RAG1: variants seen among roughly 807,000 people sequenced by gnomAD.
RAG1 encodes recombination activating 1, also known as V(D)J recombination-activating protein 1.
A neutral mutation model predicts 62.7 loss-of-function variants in RAG1; 35 were observed. The ratio of observed to expected loss-of-function variants is 0.56; its 90% CI spans 0.43 to 0.74. The LOEUF (loss-of-function observed/expected upper bound fraction) is 0.74, where lower values mean the gene tolerates loss of function less well. Among genes scored for constraint, RAG1 ranks in the 30% least tolerant of loss-of-function variants. The pLI, the probability that RAG1 is intolerant of heterozygous loss-of-function variation, is 0.00. For missense variants in RAG1, 1,169 were observed against 1,278.6 expected (o/e 0.91, Z 1.31); for synonymous variants, 461 against 470.3 (o/e 0.98, Z 0.26).
chr11:36,522,851 A>G (rs192887311), intron 2 of RAG1, among the ~76,000 whole-genome samples: 181 of 152,306 alleles, frequency 1.2e-3, no homozygotes, highest in Non-Finnish European at 1.8e-3. Context: ...TTGGAGCTTT[A>G]AGATTTAACT....
In RAG1 at chr11:36,575,663, T is replaced by C; in HGVS notation, c.2359T>C (p.Phe787Leu). 1 of 1,614,142 alleles carries C rather than the reference T, an allele frequency of 6.2e-7. No individual in the cohort carries two copies. Among genetic ancestry groups the C allele is most frequent in the Non-Finnish European group, 8.5e-7 (1 of 1,180,020 alleles). Residue 787 changes from phenylalanine (F) to leucine (L), a missense_variant, in exon 2 of 2, where the codon TTC becomes CTC. Physicochemically the swap from Phe to Leu is conservative, Grantham distance 22. Coordinates refer to ENST00000299440, the MANE Select transcript of RAG1 (RefSeq NM_000448.3). This position sits in a 1 kb window ranked among gnomAD's most constrained non-coding sequence, Gnocchi z 4.1. Reference sequence around the variant, plus strand: ...GGTGAAAGGGGTCTCAGCTAAACCTTTCATTGAGACAGTCCCTTCCATAGA... The same window carrying C: ...GGTGAAAGGGGTCTCAGCTAAACCTCTCATTGAGACAGTCCCTTCCATAGA... Reference protein sequence around the residue: ...DRVKGVSAKPFIETVPSIDAL... With the variant: ...DRVKGVSAKPLIETVPSIDAL...
At chr11:36,557,357 G>A (rs1367310644) in intron 3 of RAG1, among the ~76,000 whole-genome samples, 1 of 118,692 alleles carries the variant, frequency 8.4e-6, no homozygotes, top group Non-Finnish European at 1.7e-5. Context: ...ATATTCGGGT[G>A]GGAGTGACCC....
At chr11:36,544,687 G>C (rs1850368557) in intron 3 of RAG1, among the ~76,000 whole-genome samples, 1 of 152,068 alleles carries the variant, frequency 6.6e-6, no homozygotes, top group Non-Finnish European at 1.5e-5. Context: ...TGGTTGATGT[G>C]GTCTGGCTAC....
intron 3 of RAG1, among the ~76,000 whole-genome samples, chr11:36,557,987 A>G (rs1305636318): frequency 6.6e-6 from 1 of 152,130 alleles, no homozygotes; most frequent in African/African-American, 2.4e-5. Flanking sequence ...CCCATGTAAC[A>G]CTTAATGTTT....
chr11:36,547,718 C>T (rs1156465726), intron 3 of RAG1, among the ~76,000 whole-genome samples: 1 of 152,156 alleles, frequency 6.6e-6, no homozygotes, highest in East Asian at 1.9e-4. Flanking sequence ...TGGTGTCATT[C>T]CTTCTGAAAC....
chr11:36,573,454 G>T lies in RAG1; in HGVS notation c.150G>T (p.Lys50Asn). Residue 50 changes from lysine (K) to asparagine (N), a missense_variant, in exon 2 of 2, where the codon AAG becomes AAT. Physicochemically the swap from Lys to Asn is moderately conservative, Grantham distance 94. Around this residue, in one of 2 missense-constraint regions of RAG1, gnomAD observed 369 missense variants for 335.3 expected, o/e 1.10. Transcript: ENST00000299440. ...CTGAAGAAGCTCAAAAGGAAAAGAA[G>T]GATTCCTTTGAGGGGAAACCCTCTC... ...KTPEEAQKEK[K>N]DSFEGKPSLE... The T allele has an allele frequency of 6.2e-7, 1 of 1,614,170 alleles. No individual in the cohort carries two copies. The highest frequency in any genetic ancestry group is 2.2e-5 in the East Asian group (1 of 44,876).
Position 36,574,791 on chromosome 11 carries a change from G to A in RAG1, c.1487G>A (p.Gly496Glu). The part of the protein sequence containing the change: ...KMYRTVKAIT[G>E]RQIFQPLHAL... The stretch of plus-strand genomic sequence containing the variant: ...TACAGGACTGTGAAAGCCATCACAG[G>A]GAGACAGATTTTTCAGCCTTTGCAT... Residue 496 changes from glycine (G) to glutamate (E), a missense_variant, in exon 2 of 2, where the codon GGG becomes GAG. Gly to Glu is a moderately conservative substitution (Grantham distance 98, BLOSUM62 -2). This residue lies in a region of RAG1 where 800 missense variants were observed against 943.3 expected (regional missense o/e 0.85). Transcript: ENST00000299440. 6.2e-7 allele frequency: 1 copy of A among 1,614,216 alleles called. No homozygotes were observed. Among genetic ancestry groups the A allele is most frequent in the Non-Finnish European group, 8.5e-7 (1 of 1,180,042 alleles).
At chr11:36,563,023 T>C (rs955618424), upstream of RAG1, among the ~76,000 whole-genome samples, 1 of 152,192 alleles carries the variant, frequency 6.6e-6, no homozygotes, top group Non-Finnish European at 1.5e-5. Flanking sequence ...CTGGTGTCTC[T>C]GTGTGTATGT....
chr11:36,541,892 C>A (rs761986883), intron 3 of RAG1, among the ~76,000 whole-genome samples: 1 of 151,928 alleles, frequency 6.6e-6, no homozygotes, highest in Non-Finnish European at 1.5e-5. Flanking sequence ...TAAAAAAAAA[C>A]CACCTACCGC....
intron 3 of RAG1, among the ~76,000 whole-genome samples, chr11:36,541,485 G>C (rs1860416958): frequency 6.6e-6 from 1 of 152,164 alleles, no homozygotes; most frequent in Admixed American, 6.6e-5. Context: ...GATGGAGAAA[G>C]TATCTGTTTA....
At chr11:36,517,520 TGTAA>T (rs376524124) in intron 1 of RAG1, among the ~76,000 whole-genome samples, 2 of 152,186 alleles carry the variant, frequency 1.3e-5, no homozygotes, top group African/African-American at 4.8e-5. Context: ...GGAAGGTTTG[TGTAA>T]GTGTGTGTGT....
chr11:36,551,630 A>C (rs1385334452), intron 3 of RAG1, among the ~76,000 whole-genome samples: 1 of 137,254 alleles, frequency 7.3e-6, no homozygotes, highest in Admixed American at 7.4e-5. Context: ...ATTATACTCT[A>C]AGTTTTAGGG....
In RAG1 at chr11:36,573,774, A is replaced by G. The variant is rs1258478128; in HGVS notation, c.470A>G (p.Lys157Arg). The G allele has an allele frequency of 1.1e-5, 18 of 1,614,000 alleles. No homozygotes were observed. The Admixed American group carries it at 2.8e-4, about 25-fold the overall frequency. The change falls in exon 2 of 2, where the codon AAG becomes AGG. Residue 157 changes from lysine (K) to arginine (R), a missense_variant. Coordinates refer to ENST00000299440, the MANE Select transcript of RAG1 (RefSeq NM_000448.3). ...ACTTCCTGGCCGGACCTCATTGCCA[A>G]GGTTTTCCGGATCGATGTGAAGGCA... is the stretch of plus-strand genomic sequence containing the variant. ...RATSWPDLIA[K>R]VFRIDVKADV...
intron 3 of RAG1, among the ~76,000 whole-genome samples, chr11:36,559,108 G>C (rs1393121844): frequency 6.6e-6 from 1 of 151,964 alleles, no homozygotes; most frequent in Non-Finnish European, 1.5e-5. Flanking sequence ...AGTTTTGTTG[G>C]GTGTAGTATT....
chr11:36,542,150 A>G (rs1227875633), intron 3 of RAG1, among the ~76,000 whole-genome samples: 1 of 152,090 alleles, frequency 6.6e-6, no homozygotes, highest in Non-Finnish European at 1.5e-5. Context: ...CACATTCACT[A>G]TCTTCCCTCT....
intron 3 of RAG1, among the ~76,000 whole-genome samples, chr11:36,546,136 T>C (rs1461236575): frequency 1.3e-5 from 2 of 152,306 alleles, no homozygotes; most frequent in African/African-American, 4.8e-5. Flanking sequence ...GGAATATCCT[T>C]GTTAATTTTC....
At chr11:36,519,917 C>G (rs1860052008) in intron 1 of RAG1, among the ~76,000 whole-genome samples, 1 of 152,180 alleles carries the variant, frequency 6.6e-6, no homozygotes, top group South Asian at 2.1e-4. Context: ...AAATGTCCTC[C>G]TTAACATTTT....
In RAG1 at chr11:36,574,437, G is replaced by A. The variant is rs1017953850; in HGVS notation, c.1133G>A (p.Ser378Asn). 6.2e-7 allele frequency: 1 copy of A among 1,614,214 alleles called. No homozygotes were observed. The highest frequency in any genetic ancestry group is 1.3e-5 in the African/African-American group (1 of 75,056). ...GAAAAATATAATCACCACATCTCAAGTCACAAGGAATCAAAAGAGATTTTT... is the reference window on the plus strand; with the variant it reads ...GAAAAATATAATCACCACATCTCAAATCACAAGGAATCAAAAGAGATTTTT... ...SLEKYNHHIS[S>N]HKESKEIFVH... The change falls in exon 2 of 2, where the codon AGT becomes AAT. Residue 378 changes from serine to asparagine, a missense_variant. Ser to Asn is a conservative substitution (Grantham distance 46). Coordinates refer to ENST00000299440, the MANE Select transcript of RAG1 (RefSeq NM_000448.3).
In RAG1 at chr11:36,575,993, C is replaced by T. The variant is rs757797994; in HGVS notation, c.2689C>T (p.Arg897Ter). The T allele has an allele frequency of 3.0e-5, 49 of 1,614,038 alleles. No homozygotes were observed. Among genetic ancestry groups the T allele is most frequent in the Non-Finnish European group, 3.5e-5 (41 of 1,180,040 alleles). ...TTACCTGAAGATGAAACCAGTATGG[C>T]GATCATCATGCCCTGCTAAAGAGTG... ...DLYLKMKPVW[R>*]SSCPAKECPE... is the part of the protein sequence containing the mutation. The change falls in exon 2 of 2, where the codon CGA (arginine) becomes TGA (stop). Residue 897 changes from arginine (R) to a stop codon, truncating the protein, a stop_gained. Transcript: ENST00000299440. LOFTEE classifies it high-confidence loss of function. The surrounding 1 kb of genome is among the most constrained non-coding windows in gnomAD (Gnocchi z 4.1).
Sources: allele counts gnomAD v4.1 joint callset (sites outside exome capture counted in the v4.1 genomes callset), GRCh38; gene constraint gnomAD v4.1.1; regional missense constraint gnomAD v4.1.1; non-coding constraint Gnocchi (gnomAD v3.1); transcripts MANE v1.5; gene names NCBI Gene and HGNC (gene_info 2026-07-23, HGNC 2026-07-21).